Variants in COL5A1 observed in about 807,000 individuals in gnomAD.
The protein encoded by COL5A1 is collagen alpha-1(V) chain.
COL5A1 carries 16 observed loss-of-function variants against 263.7 expected under a neutral mutation model. The observed-to-expected ratio is 0.06, with a 90% CI of 0.04 to 0.09. The LOEUF is 0.09. Among genes scored for constraint, COL5A1 ranks in the 10% least tolerant of loss-of-function variants. COL5A1 has a pLI of 1.00. For synonymous variants in COL5A1, 1,012 were observed against 1,004.5 expected, an observed-to-expected ratio of 1.01 and a Z score of -0.14; for missense variants, 2,036 against 2,540.5, an observed-to-expected ratio of 0.80 and a Z score of 4.27.
Position 134,815,619 on chromosome 9 carries a change from C to T in COL5A1, c.4058C>T (p.Pro1353Leu), listed in dbSNP as rs768067059. The T allele has an allele frequency of 6.2e-7, 1 of 1,613,824 alleles. No homozygotes were observed. The highest frequency in any genetic ancestry group is 8.5e-7 in the Non-Finnish European group (1 of 1,179,942). ...FPGDPGPPGE[P>L]GPAGQDGPPG... ...GGAGATCCTGGCCCCCCCGGAGAGC[C>T]TGGCCCCGCGGTAGGTGCTCAAGAG... Residue 1353 changes from proline to leucine, a missense_variant, in exon 51 of 66, where the codon CCT (proline) becomes CTT (leucine). Around this residue, in one of 3 missense-constraint regions of COL5A1, gnomAD observed 1,078 missense variants for 1,521.4 expected, o/e 0.71. Transcript: ENST00000371817.
chr9:134,725,503 G>C (rs1366062255), intron 4 of COL5A1, among the ~76,000 whole-genome samples: 3 of 152,256 alleles, frequency 2.0e-5, no homozygotes, highest in African/African-American at 4.8e-5. Context: ...GTGCTGCCAG[G>C]GTGACTCCTA....
chr9:134,752,754 G>A (rs982115794), intron 14 of COL5A1, 109 bp downstream of exon 14: 11 of 867,158 alleles, frequency 1.3e-5, no homozygotes, highest in African/African-American at 8.3e-5. Context: ...GACACAGAGC[G>A]GCCCTTGGTC....
In COL5A1 at chr9:134,835,080, C is replaced by T; in HGVS notation, c.5246C>T (p.Ser1749Leu). The T allele has an allele frequency of 1.2e-6, 2 of 1,613,672 alleles. No individual in the cohort carries two copies. Among genetic ancestry groups the T allele is most frequent in the Non-Finnish European group, 1.7e-6 (2 of 1,180,034 alleles). The change falls in exon 65 of 66, where the codon TCA (serine) becomes TTA (leucine). Residue 1749 changes from serine to leucine, a missense_variant. By Grantham distance (145) the Ser-to-Leu change is moderately radical. This residue lies in a region of COL5A1 where 358 missense variants were observed against 384.6 expected (regional missense o/e 0.93). Coordinates refer to ENST00000371817, the MANE Select transcript of COL5A1 (RefSeq NM_000093.5). ...HQNVTYHCYQSVAWQDAATGS... is the reference protein window; with the variant it reads ...HQNVTYHCYQLVAWQDAATGS... Reference sequence around the variant, plus strand: ...AACGTCACCTACCACTGCTACCAGTCAGTGGCCTGGCAGGACGCAGCCACG... The same window carrying T: ...AACGTCACCTACCACTGCTACCAGTTAGTGGCCTGGCAGGACGCAGCCACG...
intron 30 of COL5A1, 151 bp downstream of exon 30, chr9:134,785,247 G>C (rs1437867282): frequency 1.1e-5 from 7 of 636,344 alleles, no homozygotes; most frequent in Non-Finnish European, 2.0e-5. Context: ...GGTTCTCTCT[G>C]CTGTTCCTAT....
rs959190951 is a variant in COL5A1 at position 134,821,053 on chromosome 9, G to A, written c.4554+830G>A. Among the ~76,000 whole-genome samples the A allele has an allele frequency of 6.6e-6, 1 of 152,126 alleles. No homozygotes were observed. The highest frequency in any genetic ancestry group is 2.4e-5 in the African/African-American group (1 of 41,430). On this transcript the variant is annotated intron_variant, in intron 58 of 65. Transcript: ENST00000371817. The surrounding 1 kb of genome is among the most constrained non-coding windows in gnomAD (Gnocchi z 4.2). ...TTGCAGGACATGGCTGAAGGGTGGA[G>A]CTCATTGCAAACCCTACCTCACTGG...
Position 134,804,967 on chromosome 9 carries a change from G to A in COL5A1, c.3115-8G>A. 6.2e-7 allele frequency: 1 copy of A among 1,612,810 alleles called. No individual in the cohort carries two copies. The highest frequency in any genetic ancestry group is 8.5e-7 in the Non-Finnish European group (1 of 1,179,172). The stretch of plus-strand genomic sequence containing the variant: ...TCCAGGAAAGCTCATCTCTGACTCT[G>A]TTTTCAGGGTGACCCAGGCCCTGCA... On this transcript the variant is annotated splice_polypyrimidine_tract_variant and splice_region_variant and intron_variant, in intron 39 of 65. Coordinates refer to ENST00000371817, the MANE Select transcript of COL5A1 (RefSeq NM_000093.5).
chr9:134,831,895 A>G (rs1839646463), intron 64 of COL5A1, among the ~76,000 whole-genome samples: 1 of 152,152 alleles, frequency 6.6e-6, no homozygotes, highest in African/African-American at 2.4e-5. Context: ...TTACTTTAGG[A>G]TCTTTCCACG....
chr9:134,839,262 G>T (rs1839944743), intron 65 of COL5A1, among the ~76,000 whole-genome samples: 2 of 152,224 alleles, frequency 1.3e-5, no homozygotes, highest in Non-Finnish European at 2.9e-5. Flanking sequence ...GCAGCTTTCG[G>T]CGCCTCTGGG....
intron 1 of COL5A1, among the ~76,000 whole-genome samples, chr9:134,675,384 G>A (rs1439668574): frequency 1.3e-5 from 2 of 152,180 alleles, no homozygotes; most frequent in Non-Finnish European, 2.9e-5. Context: ...TTTGATGGGA[G>A]ACAAAGTCCT....
At chr9:134,749,052 G>A (rs554770069) in intron 11 of COL5A1, among the ~76,000 whole-genome samples, 11 of 152,174 alleles carry the variant, frequency 7.2e-5, no homozygotes, top group African/African-American at 2.4e-4. Context: ...GCCTGGCCAA[G>A]GTGGTGAAAC....
chr9:134,752,453 T>C, intron 13 of COL5A1, 136 bp from the exon 14 acceptor site: 1 of 636,462 alleles, frequency 1.6e-6, no homozygotes, highest in East Asian at 2.9e-5. Flanking sequence ...TCATCAGACC[T>C]CCTTTTCCAG....
intron 26 of COL5A1, 132 bp from the exon 27 acceptor site, chr9:134,774,727 C>A: frequency 3.3e-6 from 3 of 919,184 alleles, no homozygotes; most frequent in Non-Finnish European, 5.2e-6. Context: ...GGGGGCCTCT[C>A]TGGAGGCTCT....
intron 4 of COL5A1, among the ~76,000 whole-genome samples, chr9:134,725,495 G>A (rs930051840): frequency 6.6e-6 from 1 of 152,212 alleles, no homozygotes. Flanking sequence ...CACCCAGGGT[G>A]CTGCCAGGGT....
intron 64 of COL5A1, among the ~76,000 whole-genome samples, chr9:134,831,223 C>T (rs1385301034): frequency 3.3e-5 from 5 of 152,224 alleles, no homozygotes; most frequent in Admixed American, 6.5e-5. Context: ...TGAAGCCCCT[C>T]GTCTCATAAC....
chr9:134,727,631 C>A (rs1399293922), intron 5 of COL5A1, among the ~76,000 whole-genome samples: 1 of 152,236 alleles, frequency 6.6e-6, no homozygotes, highest in Non-Finnish European at 1.5e-5. Context: ...ACCTTTTGAA[C>A]AAGCTCCTTG....
chr9:134,766,547 G>A (rs772405728), intron 22 of COL5A1, 49 bp downstream of exon 22: 1 of 1,578,880 alleles, frequency 6.3e-7, no homozygotes, highest in East Asian at 2.2e-5. Flanking sequence ...CTTTCCCTGG[G>A]CACACTCCTT....
chr9:134,738,574 G>C lies in COL5A1; in HGVS notation c.1431+59G>C, dbSNP rs1835187752. ...AGGTGCTCTTGGTGGGGTGGGGTTG[G>C]TGACACCCCTTATGTCTCCTGGATG... On this transcript the variant is annotated intron_variant, in intron 10 of 65. Transcript: ENST00000371817. 3 of 1,595,860 alleles carry C rather than the reference G, an allele frequency of 1.9e-6. No homozygotes were observed. The East Asian group carries it at 6.7e-5, about 36-fold the overall frequency.
rs1025581077 is a variant in COL5A1, at chr9:134,647,548, C to T, written c.109+5252C>T. Among the ~76,000 whole-genome samples, 10 of 152,176 alleles carry T rather than the reference C, an allele frequency of 6.6e-5. No homozygotes were observed. The highest frequency in any genetic ancestry group is 1.9e-4 in the African/African-American group (8 of 41,454). Reference sequence around the variant, plus strand: ...ACATGGGTGTCCCTGGCTGACTCCACGTGCAGGGCCTGGTGTGTTTGAGGA... The same window carrying T: ...ACATGGGTGTCCCTGGCTGACTCCATGTGCAGGGCCTGGTGTGTTTGAGGA... On this transcript the variant is annotated intron_variant, in intron 1 of 65. Transcript: ENST00000371817. This position sits in a 1 kb window ranked among gnomAD's most constrained non-coding sequence, Gnocchi z 5.0.
rs539667440 is a variant in COL5A1 at position 134,682,691 on chromosome 9, C to T, written c.110-8221C>T. ...GCTCCGGCTCAGGGGGGCACCGGGA[C>T]GGGGGAGCTGAGGAAAAGTCACCCC... On this transcript the variant is annotated intron_variant, in intron 1 of 65. Coordinates refer to ENST00000371817, the MANE Select transcript of COL5A1 (RefSeq NM_000093.5). The surrounding 1 kb of genome is among the most constrained non-coding windows in gnomAD (Gnocchi z 5.1). Among the ~76,000 whole-genome samples, 4 of 152,216 alleles carry T rather than the reference C, an allele frequency of 2.6e-5. No individual in the cohort carries two copies. Among genetic ancestry groups the T allele is most frequent in the East Asian group, 1.9e-4 (1 of 5,136 alleles).
Sources: gnomAD v4.1 joint callset for allele counts (sites outside exome capture counted in the v4.1 genomes callset) on GRCh38, gnomAD v4.1.1 for gene constraint, gnomAD v4.1.1 regional missense constraint, Gnocchi (gnomAD v3.1) non-coding constraint, MANE v1.5 for transcripts, NCBI Gene and HGNC (gene_info 2026-07-23, HGNC 2026-07-21) for gene names.